Variants in EGFLAM observed in about 807,000 individuals in gnomAD.
The protein encoded by EGFLAM is EGF like, fibronectin type III and laminin G domains, also known as pikachurin.
A neutral mutation model predicts 113.1 loss-of-function variants in EGFLAM; 79 were observed. The ratio of observed to expected loss-of-function variants is 0.70; its 90% CI spans 0.58 to 0.84. EGFLAM has a LOEUF of 0.84. Ranked by LOEUF, EGFLAM falls within the 40% of genes least tolerant of loss-of-function variation. The pLI, the probability that EGFLAM is intolerant of heterozygous loss-of-function variation, is 0.00. For missense variants in EGFLAM, 1,265 were observed against 1,291.6 expected, an observed-to-expected ratio of 0.98 and a Z score of 0.32; for synonymous variants, 504 against 487.6, an observed-to-expected ratio of 1.03 and a Z score of -0.44.
At chr5:38,369,690 G>A (rs936740743) in intron 5 of EGFLAM, among the ~76,000 whole-genome samples, 6 of 152,114 alleles carry the variant, frequency 3.9e-5, no homozygotes, top group African/African-American at 1.2e-4. Context: ...TCATCCTCCC[G>A]CCTTCTGTGT....
At chr5:38,457,226 A>T (rs1300902002) in intron 19 of EGFLAM, among the ~76,000 whole-genome samples, 1 of 151,962 alleles carries the variant, frequency 6.6e-6, no homozygotes, top group Non-Finnish European at 1.5e-5. Context: ...TGCAATGTTC[A>T]TTTTTTTTTA....
At chr5:38,307,294 A>C (rs1758745756) in intron 1 of EGFLAM, among the ~76,000 whole-genome samples, 2 of 152,028 alleles carry the variant, frequency 1.3e-5, no homozygotes, top group Admixed American at 1.3e-4. Context: ...TCTCATCTTG[A>C]ATTGTAGTTC....
At chr5:38,433,591 C>T (rs1447852939) in intron 15 of EGFLAM, among the ~76,000 whole-genome samples, 1 of 152,182 alleles carries the variant, frequency 6.6e-6, no homozygotes, top group Non-Finnish European at 1.5e-5. Context: ...AGGAACTGCT[C>T]CTCACTCCAC....
intron 1 of EGFLAM, among the ~76,000 whole-genome samples, chr5:38,277,533 T>G (rs1228748613): frequency 2.6e-5 from 4 of 152,174 alleles, no homozygotes; most frequent in Non-Finnish European, 4.4e-5. Flanking sequence ...CTACTCTTAT[T>G]AAACATTGTA....
At chr5:38,285,054 A>G (rs957807894) in intron 1 of EGFLAM, among the ~76,000 whole-genome samples, 1 of 152,142 alleles carries the variant, frequency 6.6e-6, no homozygotes, top group Non-Finnish European at 1.5e-5. Context: ...GTCGAGTCCA[A>G]TTTGGATTTG....
intron 1 of EGFLAM, among the ~76,000 whole-genome samples, chr5:38,317,792 T>C (rs1347807786): frequency 6.6e-6 from 1 of 152,138 alleles, no homozygotes; most frequent in Non-Finnish European, 1.5e-5. Flanking sequence ...CTTGGCAAAA[T>C]GTTTCAAGCT....
chr5:38,441,909 G>C (rs1304823959), intron 17 of EGFLAM, among the ~76,000 whole-genome samples: 1 of 152,126 alleles, frequency 6.6e-6, no homozygotes, highest in Non-Finnish European at 1.5e-5. Context: ...CTAGATGGCG[G>C]TGTTTCTCTG....
intron 17 of EGFLAM, among the ~76,000 whole-genome samples, chr5:38,440,222 C>A (rs1187508056): frequency 6.6e-6 from 1 of 152,148 alleles, no homozygotes; most frequent in African/African-American, 2.4e-5. Flanking sequence ...AGATTGGAAC[C>A]CAGATGAGCC....
At chr5:38,268,134 TC>T (rs1203200202) in intron 1 of EGFLAM, among the ~76,000 whole-genome samples, 1 of 152,168 alleles carries the variant, frequency 6.6e-6, no homozygotes, top group Non-Finnish European at 1.5e-5. Flanking sequence ...TGTATCTCTC[TC>T]AGCAGATACA....
chr5:38,391,389 TG>T (rs1466965516), intron 6 of EGFLAM, among the ~76,000 whole-genome samples: 27 of 149,952 alleles, frequency 1.8e-4, no homozygotes, highest in African/African-American at 6.4e-4. Context: ...TTTCTTTGTG[TG>T]TGTGTGTGTG....
chr5:38,424,096 T>A (rs181096233), intron 12 of EGFLAM, among the ~76,000 whole-genome samples: 176 of 152,280 alleles, frequency 1.2e-3, no homozygotes, highest in African/African-American at 4.1e-3. Context: ...TGTTTTGTAC[T>A]CCCTCATGTG....
At chr5:38,462,664 C>A (rs781406816) in intron 20 of EGFLAM, 40 of 435,450 alleles carry the variant, frequency 9.2e-5, no homozygotes, top group Non-Finnish European at 1.6e-4. Flanking sequence ...CCCTTGTGGT[C>A]TTCGCCGTGG....
At chr5:38,296,222 G>A (rs926861144) in intron 1 of EGFLAM, among the ~76,000 whole-genome samples, 2 of 152,210 alleles carry the variant, frequency 1.3e-5, no homozygotes, top group Non-Finnish European at 2.9e-5. Flanking sequence ...AGCCAAGGCG[G>A]AAAGAAAGTC....
At chr5:38,427,354 T>C in intron 14 of EGFLAM, 102 bp downstream of exon 14, 1 of 1,527,138 alleles carries the variant, frequency 6.5e-7, no homozygotes. Context: ...ACTCATCCTG[T>C]CTTCTCTACA....
chr5:38,357,375 G>A (rs954519555), intron 5 of EGFLAM, among the ~76,000 whole-genome samples: 5 of 152,062 alleles, frequency 3.3e-5, no homozygotes, highest in Admixed American at 2.6e-4. Flanking sequence ...AGAACTGTGA[G>A]CAATCAATTT....
intron 1 of EGFLAM, among the ~76,000 whole-genome samples, chr5:38,306,703 T>G (rs187994700): frequency 3.3e-5 from 5 of 152,340 alleles, no homozygotes; most frequent in East Asian, 3.9e-4. Flanking sequence ...TGATGCCTCC[T>G]GTGGGTATCC....
rs768506301 is a variant in EGFLAM, at chr5:38,465,406, C to T, written c.*1420C>T. On this transcript the variant is annotated 3_prime_UTR_variant, in exon 22 of 22. Transcript: ENST00000322350. ...TTGTGCAGCATTCATTCAGCAAAGA[C>T]TTTTGGGGTTTGTGCAAGGCACAGT... 1.3e-5 allele frequency among the ~76,000 whole-genome samples: 2 copies of T among 152,212 alleles called. No individual in the cohort carries two copies. Among genetic ancestry groups the T allele is most frequent in the African/African-American group, 4.8e-5 (2 of 41,460 alleles).
chr5:38,289,935 T>G (rs1758271072), intron 1 of EGFLAM, among the ~76,000 whole-genome samples: 1 of 152,178 alleles, frequency 6.6e-6, no homozygotes, highest in Non-Finnish European at 1.5e-5. Context: ...GAATAGCCAA[T>G]ATTTGTGAAG....
chr5:38,445,416 C>A, intron 17 of EGFLAM: 2 of 1,285,710 alleles, frequency 1.6e-6, no homozygotes, highest in Non-Finnish European at 2.0e-6. Context: ...TCTTCTTGGT[C>A]CACCGCCACG....
Sources: gnomAD v4.1 joint callset for allele counts (sites outside exome capture counted in the v4.1 genomes callset) on GRCh38, gnomAD v4.1.1 for gene constraint, MANE v1.5 for transcripts, NCBI Gene and HGNC (gene_info 2026-07-23, HGNC 2026-07-21) for gene names.